TRAPPC9: variants seen among roughly 807,000 people sequenced by gnomAD.
TRAPPC9 encodes the protein trafficking protein particle complex subunit 9.
TRAPPC9 carries 83 observed loss-of-function variants against 124.0 expected under a neutral mutation model. The observed-to-expected ratio is 0.67, with a 90% confidence interval of 0.56 to 0.80. The LOEUF is 0.80. Among genes scored for constraint, TRAPPC9 ranks in the 30% least tolerant of loss-of-function variants. The pLI is 0.00. For synonymous variants in TRAPPC9, 638 were observed against 617.5 expected (o/e 1.03, Z -0.49); for missense variants, 1,302 against 1,508.3 (o/e 0.86, Z 2.27).
rs1424013061 is a variant in TRAPPC9 at position 140,397,570 on chromosome 8, T to A, written c.1134+50A>T. 5.0e-6 allele frequency: 8 copies of A among 1,610,468 alleles called. No individual in the cohort carries two copies. The South Asian group carries it at 8.8e-5, about 18-fold the overall frequency. The stretch of plus-strand genomic sequence containing the variant: ...TAAGCTGAATTCATAGTGAATCAAT[T>A]CCGTAAGAACTGGATGAACTCTTCC... On this transcript the variant is annotated intron_variant, in intron 7 of 22. Coordinates refer to ENST00000438773, the MANE Select transcript of TRAPPC9 (RefSeq NM_001160372.4).
rs1382731000 is a variant in TRAPPC9, at chr8:139,914,590, T to C, written c.2811-4290A>G. 5.9e-5 allele frequency among the ~76,000 whole-genome samples: 9 copies of C among 152,298 alleles called. No homozygotes were observed. The East Asian group carries it at 1.7e-3, about 29-fold the overall frequency. On this transcript the variant is annotated intron_variant, in intron 19 of 22. Coordinates refer to ENST00000438773, the MANE Select transcript of TRAPPC9 (RefSeq NM_001160372.4). Reference sequence around the variant, plus strand: ...CACTTCCCTGAGCATCTCTGTGGAATGCAGTCAGTGCCACCCGCACCTAAC... The same window carrying C: ...CACTTCCCTGAGCATCTCTGTGGAACGCAGTCAGTGCCACCCGCACCTAAC...
chr8:139,858,823 C>T (rs1192962436), intron 21 of TRAPPC9, among the ~76,000 whole-genome samples: 4 of 149,336 alleles, frequency 2.7e-5, no homozygotes. Flanking sequence ...ACTGTGAATC[C>T]GGGGGGGGCA....
chr8:140,038,435 G>A lies in TRAPPC9; in HGVS notation c.2557-14356C>T, dbSNP rs115677098. The stretch of plus-strand genomic sequence containing the variant: ...CTCACTCTAGAGGGTGGAAATGACA[G>A]TATTGTGGGGAACAAATAGGCTATG... On this transcript the variant is annotated intron_variant, in intron 17 of 22. Transcript: ENST00000438773. Among the ~76,000 whole-genome samples, 704 of 152,380 alleles carry A rather than the reference G, an allele frequency of 4.6e-3. 9 individuals are homozygous for A. The highest frequency in any genetic ancestry group is 0.016 in the African/African-American group (674 of 41,594).
intron 19 of TRAPPC9, among the ~76,000 whole-genome samples, chr8:139,928,091 T>C (rs1486932623): frequency 6.6e-6 from 1 of 152,258 alleles, no homozygotes; most frequent in African/African-American, 2.4e-5. Context: ...TCTTCCACAA[T>C]AATCCTTCTA....
At chr8:139,954,783 G>T (rs1327920357) in intron 19 of TRAPPC9, among the ~76,000 whole-genome samples, 5 of 152,186 alleles carry the variant, frequency 3.3e-5, no homozygotes, top group African/African-American at 1.2e-4. Flanking sequence ...CAGCGTGTCA[G>T]TGAAGATTTG....
At chr8:139,827,485 C>T (rs1011430763) in intron 21 of TRAPPC9, among the ~76,000 whole-genome samples, 17 of 152,202 alleles carry the variant, frequency 1.1e-4, no homozygotes, top group African/African-American at 3.9e-4. Context: ...AGCATTTAGA[C>T]GGGGCTAAGG....
intron 21 of TRAPPC9, among the ~76,000 whole-genome samples, chr8:139,787,558 A>C (rs945643844): frequency 1.3e-5 from 2 of 152,210 alleles, no homozygotes; most frequent in Admixed American, 6.5e-5. Context: ...ATATGGAAAA[A>C]GGCCTCACCG....
chr8:140,188,350 G>T lies in TRAPPC9; in HGVS notation c.2556+33109C>A, dbSNP rs1294952631. On this transcript the variant is annotated intron_variant, in intron 17 of 22. Transcript: ENST00000438773. ...ACAGCATGAATAAAAACCCGTGAAT[G>T]AATGCATCTCTCCTGATCCTCTGAC... Among the ~76,000 whole-genome samples, 3 of 152,312 alleles carry T rather than the reference G, an allele frequency of 2.0e-5. No individual in the cohort carries two copies. The East Asian group carries it at 5.8e-4, about 29-fold the overall frequency.
rs1179617363 is a variant in TRAPPC9, at chr8:140,451,137, G to C, written c.237C>G (p.Gly79=). 1 of 1,614,094 alleles carries C rather than the reference G, an allele frequency of 6.2e-7. No homozygotes were observed. The highest frequency in any genetic ancestry group is 1.7e-5 in the Admixed American group (1 of 60,010). Residue 79 remains glycine (G), a synonymous_variant, in exon 2 of 23, where the codon GGC becomes GGG. Transcript: ENST00000438773. ...GDFQTHRKVV[G]LITITDCFSA... is the part of the protein sequence containing the mutation. ...AGAAGCAGTCTGTGATGGTGATGAG[G>C]CCCACGACTTTGCGGTGGGTCTGGA... is the stretch of plus-strand genomic sequence containing the variant.
intron 17 of TRAPPC9, among the ~76,000 whole-genome samples, chr8:140,068,305 G>C (rs1206178489): frequency 6.6e-6 from 1 of 152,116 alleles, no homozygotes; most frequent in Non-Finnish European, 1.5e-5. Context: ...TTCCAGGCAA[G>C]GGAAGCAGCT....
rs374452827 is a variant in TRAPPC9 at position 139,920,427 on chromosome 8, TG to T, written c.2811-10128del. On this transcript the variant is annotated intron_variant, in intron 19 of 22. Coordinates refer to ENST00000438773, the MANE Select transcript of TRAPPC9 (RefSeq NM_001160372.4). ...AAGTCTGAAAGACCTGGTTTCTGCC[TG>T]GGTCTACTTCTAATCTGCCGTGCCC... is the stretch of plus-strand genomic sequence containing the variant. Among the ~76,000 whole-genome samples the T allele has an allele frequency of 6.9e-3, 1,045 of 152,358 alleles. 13 individuals are homozygous for T. Among genetic ancestry groups the T allele is most frequent in the African/African-American group, 0.024 (998 of 41,586 alleles).
intron 21 of TRAPPC9, among the ~76,000 whole-genome samples, chr8:139,770,746 G>T (rs1325365335): frequency 6.6e-6 from 1 of 152,228 alleles, no homozygotes; most frequent in Non-Finnish European, 1.5e-5. Flanking sequence ...CACAGAGATG[G>T]ACTGAGCCCT....
At chr8:139,762,564 TG>T (rs1820314048) in intron 21 of TRAPPC9, among the ~76,000 whole-genome samples, 1 of 152,176 alleles carries the variant, frequency 6.6e-6, no homozygotes, top group Non-Finnish European at 1.5e-5. Context: ...TAAGTATTTG[TG>T]TATTACCCAA....
At chr8:139,800,402 C>T (rs188938438) in intron 21 of TRAPPC9, among the ~76,000 whole-genome samples, 8 of 152,350 alleles carry the variant, frequency 5.3e-5, no homozygotes, top group South Asian at 2.1e-4. Context: ...AGAGGACACA[C>T]GTGTCCACAC....
In TRAPPC9 at chr8:140,211,420, G is replaced by A. The variant is rs115268598; in HGVS notation, c.2556+10039C>T. 3.6e-3 allele frequency among the ~76,000 whole-genome samples: 550 copies of A among 152,134 alleles called. 5 individuals carry two copies. The highest frequency in any genetic ancestry group is 0.013 in the African/African-American group (528 of 41,482). ...CAAAAAATACAAAACTTAGCCAGGT[G>A]TGGTAGCACGCACCTGTAGTCCCAG... On this transcript the variant is annotated intron_variant, in intron 17 of 22. Transcript: ENST00000438773.
At chr8:139,800,878 C>G (rs956558227) in intron 21 of TRAPPC9, among the ~76,000 whole-genome samples, 1 of 148,806 alleles carries the variant, frequency 6.7e-6, no homozygotes, top group African/African-American at 2.5e-5. Context: ...CTCCCTCCCT[C>G]TGGTATCTTC....
chr8:140,111,952 G>A (rs2060783435), intron 17 of TRAPPC9, among the ~76,000 whole-genome samples: 1 of 152,258 alleles, frequency 6.6e-6, no homozygotes, highest in Admixed American at 6.5e-5. Context: ...CCTGCAGGAG[G>A]CTCAGGCGCA....
chr8:140,124,952 A>T (rs1193374826), intron 17 of TRAPPC9, among the ~76,000 whole-genome samples: 1 of 152,252 alleles, frequency 6.6e-6, no homozygotes, highest in Non-Finnish European at 1.5e-5. Flanking sequence ...CTGGAAAGAA[A>T]GCCCCATACC....
At chr8:139,749,884 G>A (rs544041803) in intron 21 of TRAPPC9, among the ~76,000 whole-genome samples, 4 of 152,286 alleles carry the variant, frequency 2.6e-5, no homozygotes, top group Middle Eastern at 3.4e-3. Flanking sequence ...TTTTAGAAGC[G>A]GGGCCACAGG....
Sources: gnomAD v4.1 joint callset for allele counts (sites outside exome capture counted in the v4.1 genomes callset) on GRCh38, gnomAD v4.1.1 for gene constraint, MANE v1.5 for transcripts, NCBI Gene and HGNC (gene_info 2026-07-23, HGNC 2026-07-21) for gene names.